The following BCKDHB variants were observed in gnomAD, a reference collection of about 807,000 sequenced individuals.
BCKDHB encodes branched chain keto acid dehydrogenase E1 subunit beta.
Under a neutral mutation model 48.5 loss-of-function variants are expected in BCKDHB, and 41 were observed. The ratio of observed to expected loss-of-function variants is 0.85; its 90% CI spans 0.66 to 1.10. The LOEUF is 1.10. BCKDHB is among the 50% of genes least tolerant of loss of function. BCKDHB has a pLI of 0.00. For synonymous variants in BCKDHB, 201 were observed against 174.8 expected, an observed-to-expected ratio of 1.15 and a Z score of -1.18; for missense variants, 496 against 494.2, an observed-to-expected ratio of 1.00 and a Z score of -0.03.
At chr6:80,398,330 C>CTAGA in the BCKDHB span, among the ~76,000 whole-genome samples, 79 of 151,900 alleles carry the variant, frequency 5.2e-4, no homozygotes, top group Middle Eastern at 0.014. Flanking sequence ...AGACTGCTAG[C>CTAGA]TAGACTACTA....
At chr6:80,256,637 C>A (rs1777064179) in intron 8 of BCKDHB, among the ~76,000 whole-genome samples, 1 of 152,096 alleles carries the variant, frequency 6.6e-6, no homozygotes, top group South Asian at 2.1e-4. Context: ...TTTATACTTT[C>A]ATTTTTTATT....
the BCKDHB span, among the ~76,000 whole-genome samples, chr6:80,462,006 G>A: frequency 6.6e-6 from 1 of 151,966 alleles, no homozygotes; most frequent in East Asian, 1.9e-4. Context: ...AAAGGTACTG[G>A]ATTTTCCTAG....
the BCKDHB span, among the ~76,000 whole-genome samples, chr6:80,430,077 G>T: frequency 1.3e-5 from 2 of 152,150 alleles, no homozygotes; most frequent in South Asian, 2.1e-4. Flanking sequence ...AGCATGAAGG[G>T]CTGTTGAATT....
At chr6:80,223,987 T>C (rs1278368277) in intron 8 of BCKDHB, among the ~76,000 whole-genome samples, 1 of 152,208 alleles carries the variant, frequency 6.6e-6, no homozygotes. Flanking sequence ...TTAGTCCCTC[T>C]AGGGATGAGA....
chr6:80,209,983 T>G (rs1774841860), intron 8 of BCKDHB, among the ~76,000 whole-genome samples: 1 of 151,952 alleles, frequency 6.6e-6, no homozygotes, highest in African/African-American at 2.4e-5. Flanking sequence ...GTACACTAAG[T>G]GTTGGCAATA....
At chr6:80,437,775 C>T in the BCKDHB span, among the ~76,000 whole-genome samples, 1 of 152,170 alleles carries the variant, frequency 6.6e-6, no homozygotes, top group East Asian at 1.9e-4. Context: ...AAATTTTCAT[C>T]AAACACTCTA....
chr6:80,191,377 G>T (rs549435849), intron 6 of BCKDHB, among the ~76,000 whole-genome samples: 4 of 152,084 alleles, frequency 2.6e-5, no homozygotes, highest in Non-Finnish European at 5.9e-5. Context: ...CTAGTGCTTG[G>T]TGTCTAGGGG....
At chr6:80,407,060 A>C in the BCKDHB span, among the ~76,000 whole-genome samples, 2 of 152,144 alleles carry the variant, frequency 1.3e-5, no homozygotes, top group Non-Finnish European at 2.9e-5. Flanking sequence ...ATCTAGTTTT[A>C]GCTTTCTACA....
At chr6:80,349,517 A>T (rs913300692), downstream of BCKDHB, among the ~76,000 whole-genome samples, 1 of 152,180 alleles carries the variant, frequency 6.6e-6, no homozygotes, top group African/African-American at 2.4e-5. Context: ...AATAAGAAAG[A>T]ACTTAGATTG....
chr6:80,306,556 AG>A lies in BCKDHB; in HGVS notation c.1038+33336del, dbSNP rs1438588124. Among the ~76,000 whole-genome samples, 5 of 152,372 alleles carry A rather than the reference AG, an allele frequency of 3.3e-5. No homozygotes were observed. The East Asian group carries it at 7.7e-4, about 24-fold the overall frequency. ...TCCTGGACACATAAACATATAAGCC[AG>A]CCATTCACAGAAATCAGTTAATTAA... is the stretch of plus-strand genomic sequence containing the variant. On this transcript the variant is annotated intron_variant, in intron 9 of 9. Transcript: ENST00000320393.
At chr6:80,285,453 T>C (rs1766580193) in intron 9 of BCKDHB, among the ~76,000 whole-genome samples, 1 of 152,168 alleles carries the variant, frequency 6.6e-6, no homozygotes, top group African/African-American at 2.4e-5. Context: ...TACTAACCTA[T>C]ATCTATACTG....
chr6:80,201,949 G>A (rs936830844), intron 7 of BCKDHB, among the ~76,000 whole-genome samples: 2 of 152,110 alleles, frequency 1.3e-5, no homozygotes, highest in African/African-American at 4.8e-5. Flanking sequence ...TTGGCATGGA[G>A]AGCTAGAGTC....
chr6:80,139,585 C>G (rs1474738419), intron 3 of BCKDHB, among the ~76,000 whole-genome samples: 8 of 151,080 alleles, frequency 5.3e-5, no homozygotes, highest in South Asian at 2.1e-4. Context: ...GCTTGTTTTT[C>G]TCAGGTTTGT....
At chr6:80,324,082 T>G (rs1333140423) in intron 9 of BCKDHB, among the ~76,000 whole-genome samples, 4 of 152,136 alleles carry the variant, frequency 2.6e-5, no homozygotes, top group Non-Finnish European at 4.4e-5. Flanking sequence ...CAAAATTATT[T>G]TTTATATATG....
rs1217204599 is a variant in BCKDHB, at chr6:80,343,743, C to A, written c.1118C>A (p.Pro373Gln). 6.2e-7 allele frequency: 1 copy of A among 1,613,872 alleles called. No homozygotes were observed. Among genetic ancestry groups the A allele is most frequent in the Admixed American group, 1.7e-5 (1 of 59,996 alleles). Residue 373 changes from proline (P) to glutamine (Q), a missense_variant, in exon 10 of 10, where the codon CCA becomes CAA. Coordinates refer to ENST00000320393, the MANE Select transcript of BCKDHB (RefSeq NM_183050.4). ...YDTPFPHIFE[P>Q]FYIPDKWKCY... ...ACACCATTTCCTCACATTTTTGAAC[C>A]ATTCTACATCCCAGACAAATGGAAG... is the stretch of plus-strand genomic sequence containing the variant.
intron 6 of BCKDHB, among the ~76,000 whole-genome samples, chr6:80,181,917 CA>C (rs1773431394): frequency 6.6e-6 from 1 of 152,124 alleles, no homozygotes; most frequent in Admixed American, 6.5e-5. Flanking sequence ...AAAGTACAAA[CA>C]AAGATAAAAG....
At chr6:80,113,905 T>C (rs1314112824) in intron 1 of BCKDHB, among the ~76,000 whole-genome samples, 1 of 152,146 alleles carries the variant, frequency 6.6e-6, no homozygotes, top group Non-Finnish European at 1.5e-5. Context: ...TAATTGGTCA[T>C]AGAAAGCAAC....
chr6:80,448,116 A>G, the BCKDHB span, among the ~76,000 whole-genome samples: 1 of 152,170 alleles, frequency 6.6e-6, no homozygotes, highest in African/African-American at 2.4e-5. Context: ...ACCTTTAAGT[A>G]GATGACTGAG....
intron 9 of BCKDHB, among the ~76,000 whole-genome samples, chr6:80,317,881 A>T (rs975422755): frequency 3.9e-5 from 6 of 152,138 alleles, no homozygotes; most frequent in African/African-American, 1.4e-4. Flanking sequence ...TTCTCAGCTG[A>T]CTGTTTCTAT....
Sources: allele counts gnomAD v4.1 joint callset (sites outside exome capture counted in the v4.1 genomes callset), GRCh38; gene constraint gnomAD v4.1.1; transcripts MANE v1.5; gene names NCBI Gene and HGNC (gene_info 2026-07-23, HGNC 2026-07-21).